Variants in TMEM117 observed in about 807,000 individuals in gnomAD.
TMEM117 encodes transmembrane protein 117.
Under a neutral mutation model 52.4 loss-of-function variants are expected in TMEM117, and 27 were observed. That is an observed-to-expected ratio of 0.51 (90% CI 0.38 to 0.71). The LOEUF is 0.71. Among genes scored for constraint, TMEM117 ranks in the 30% least tolerant of loss-of-function variants. The probability of loss-of-function intolerance (pLI) is 0.00; values close to 1 mark genes in which losing one functional copy is unlikely to be tolerated. For synonymous variants in TMEM117, 215 were observed against 206.3 expected, an observed-to-expected ratio of 1.04 and a Z score of -0.36; for missense variants, 556 against 630.5, an observed-to-expected ratio of 0.88 and a Z score of 1.26.
intron 5 of TMEM117, among the ~76,000 whole-genome samples, chr12:44,269,454 C>G (rs1211674398): frequency 6.6e-6 from 1 of 151,966 alleles, no homozygotes; most frequent in Non-Finnish European, 1.5e-5. Flanking sequence ...TTACTACCCT[C>G]TACTGCCCCT....
intron 3 of TMEM117, among the ~76,000 whole-genome samples, chr12:44,026,097 A>G (rs1946529796): frequency 6.6e-6 from 1 of 152,192 alleles, no homozygotes; most frequent in South Asian, 2.1e-4. Context: ...TGACCCTGTT[A>G]TATGAATTAT....
intron 5 of TMEM117, among the ~76,000 whole-genome samples, chr12:44,231,243 A>G (rs1295071738): frequency 1.3e-5 from 2 of 151,790 alleles, no homozygotes; most frequent in Non-Finnish European, 2.9e-5. Context: ...ATAAATAACC[A>G]CACTCTGTGT....
intron 4 of TMEM117, among the ~76,000 whole-genome samples, chr12:44,184,319 T>G (rs535249509): frequency 6.6e-6 from 1 of 152,310 alleles, no homozygotes; most frequent in East Asian, 1.9e-4. Flanking sequence ...CACTCCAGAC[T>G]GGGTGACAGA....
At chr12:43,862,987 A>G (rs1004344879) in intron 2 of TMEM117, among the ~76,000 whole-genome samples, 11 of 151,642 alleles carry the variant, frequency 7.3e-5, no homozygotes, top group East Asian at 3.9e-4. Context: ...CAAACAAACA[A>G]AAAAACCAAG....
intron 3 of TMEM117, among the ~76,000 whole-genome samples, chr12:44,066,774 A>G (rs1229763191): frequency 2.0e-5 from 3 of 152,214 alleles, no homozygotes; most frequent in African/African-American, 7.2e-5. Flanking sequence ...CTGACTGATC[A>G]TGAAGGTGGT....
intron 6 of TMEM117, among the ~76,000 whole-genome samples, chr12:44,337,204 C>A (rs902766082): frequency 1.3e-5 from 2 of 151,930 alleles, no homozygotes; most frequent in South Asian, 2.1e-4. Flanking sequence ...GTCTTGGTAT[C>A]CAGTGAGGGC....
chr12:43,846,522 G>A (rs1943210998), intron 2 of TMEM117, among the ~76,000 whole-genome samples: 1 of 152,108 alleles, frequency 6.6e-6, no homozygotes, highest in African/African-American at 2.4e-5. Flanking sequence ...AGAGGTAGGT[G>A]GTATTTATTC....
At chr12:44,189,554 G>A (rs1424944846) in intron 4 of TMEM117, among the ~76,000 whole-genome samples, 9 of 152,154 alleles carry the variant, frequency 5.9e-5, no homozygotes, top group Non-Finnish European at 8.8e-5. Flanking sequence ...GGAGATGACA[G>A]CATGCTACAT....
At chr12:44,125,042 CT>C (rs1263903329) in intron 3 of TMEM117, among the ~76,000 whole-genome samples, 4 of 152,004 alleles carry the variant, frequency 2.6e-5, no homozygotes, top group African/African-American at 9.7e-5. Context: ...CTGTCCTGGG[CT>C]TTTTTGTTTG....
chr12:44,273,906 G>A (rs1950480153), intron 5 of TMEM117, among the ~76,000 whole-genome samples: 1 of 152,066 alleles, frequency 6.6e-6, no homozygotes, highest in Non-Finnish European at 1.5e-5. Context: ...TCTAAGATCT[G>A]GAACATGACA....
chr12:44,387,236 A>G (rs1459900449), intron 7 of TMEM117, among the ~76,000 whole-genome samples: 1 of 151,784 alleles, frequency 6.6e-6, no homozygotes, highest in Admixed American at 6.6e-5. Flanking sequence ...ATACCTGAAA[A>G]GTTTTCTAGT....
intron 3 of TMEM117, among the ~76,000 whole-genome samples, chr12:44,039,809 C>T (rs1420204163): frequency 6.6e-6 from 1 of 151,998 alleles, no homozygotes; most frequent in African/African-American, 2.4e-5. Flanking sequence ...ATTTTACTAC[C>T]ATAGTTCTTA....
At chr12:44,088,350 G>A (rs1592505186) in intron 3 of TMEM117, among the ~76,000 whole-genome samples, 1 of 152,146 alleles carries the variant, frequency 6.6e-6, no homozygotes, top group African/African-American at 2.4e-5. Flanking sequence ...AGTCATGACA[G>A]TATTATATAA....
intron 6 of TMEM117, among the ~76,000 whole-genome samples, chr12:44,357,782 A>G (rs1350779517): frequency 6.6e-6 from 1 of 152,130 alleles, no homozygotes; most frequent in Non-Finnish European, 1.5e-5. Context: ...GGAACTAAAA[A>G]TAGAACTACC....
At chr12:44,117,747 G>T (rs1252781338) in intron 3 of TMEM117, among the ~76,000 whole-genome samples, 3 of 151,836 alleles carry the variant, frequency 2.0e-5, no homozygotes, top group Non-Finnish European at 4.4e-5. Context: ...CTGTGTTTTT[G>T]TCTTTGTGGT....
intron 3 of TMEM117, among the ~76,000 whole-genome samples, chr12:44,068,342 C>T (rs896915874): frequency 1.3e-5 from 2 of 152,192 alleles, no homozygotes; most frequent in Admixed American, 6.5e-5. Context: ...GTGCTAAGGG[C>T]CTAGCTTTTG....
At chr12:44,233,955 A>C (rs1375537157) in intron 5 of TMEM117, among the ~76,000 whole-genome samples, 1 of 151,410 alleles carries the variant, frequency 6.6e-6, no homozygotes, top group African/African-American at 2.4e-5. Context: ...TCTGGTATAA[A>C]CAGAATTTAG....
chr12:44,322,313 C>T (rs901385479), intron 6 of TMEM117, among the ~76,000 whole-genome samples: 2 of 152,008 alleles, frequency 1.3e-5, no homozygotes, highest in African/African-American at 2.4e-5. Context: ...TATTTTCTGA[C>T]CTAACGAGGC....
Position 43,995,176 on chromosome 12 carries a change from G to A in TMEM117, c.410+50834G>A, listed in dbSNP as rs557633483. Among the ~76,000 whole-genome samples, 3 of 152,062 alleles carry A rather than the reference G, an allele frequency of 2.0e-5. No individual in the cohort carries two copies. In the East Asian group the frequency reaches 5.8e-4, roughly 29 times the overall value. On this transcript the variant is annotated intron_variant, in intron 3 of 7. Coordinates refer to ENST00000266534, the MANE Select transcript of TMEM117 (RefSeq NM_032256.3). ...GTCCCAGTTACTCAGGAGGCTGAGG[G>A]AGGGGAATTGCTTGGACCCGGGAGG...
Sources: allele counts gnomAD v4.1 joint callset (sites outside exome capture counted in the v4.1 genomes callset), GRCh38; gene constraint gnomAD v4.1.1; transcripts MANE v1.5; gene names NCBI Gene and HGNC (gene_info 2026-07-23, HGNC 2026-07-21).